HMGCLL1: variants seen among roughly 807,000 people sequenced by gnomAD.
HMGCLL1 encodes the protein 3-hydroxy-3-methylglutaryl-CoA lyase like 1, also known as 3-hydroxymethyl-3-methylglutaryl-CoA lyase, cytoplasmic.
A neutral mutation model predicts 39.1 loss-of-function variants in HMGCLL1; 36 were observed. That is an observed-to-expected ratio of 0.92 (90% CI 0.71 to 1.22). The LOEUF (loss-of-function observed/expected upper bound fraction) is 1.22. Ranked by LOEUF, HMGCLL1 falls within the 50% of genes most tolerant of loss-of-function variation. The probability of loss-of-function intolerance (pLI) is 0.00; values close to 1 mark genes in which losing one functional copy is unlikely to be tolerated. For missense variants in HMGCLL1, 451 were observed against 416.5 expected (o/e 1.08, Z -0.72); for synonymous variants, 149 against 144.0 (o/e 1.03, Z -0.25).
chr6:55,645,304 A>G, the HMGCLL1 span, among the ~76,000 whole-genome samples: 1 of 151,678 alleles, frequency 6.6e-6, no homozygotes, highest in Non-Finnish European at 1.5e-5. Flanking sequence ...TTTGGTAAAG[A>G]CTTTAGGTTT....
At chr6:55,607,396 T>C in the HMGCLL1 span, among the ~76,000 whole-genome samples, 31 of 152,248 alleles carry the variant, frequency 2.0e-4, 1 homozygote, top group African/African-American at 6.7e-4. Flanking sequence ...GCAGGTAATG[T>C]GGTGGATGCT....
chr6:55,614,048 A>G, the HMGCLL1 span, among the ~76,000 whole-genome samples: 36 of 152,208 alleles, frequency 2.4e-4, no homozygotes, highest in Admixed American at 4.6e-4. Context: ...TTTTAATGTC[A>G]TTTTTTCTAA....
intron 1 of HMGCLL1, among the ~76,000 whole-genome samples, chr6:55,568,817 G>A (rs935672055): frequency 1.3e-5 from 2 of 151,680 alleles, no homozygotes; most frequent in Non-Finnish European, 2.9e-5. Flanking sequence ...GGGTGTGCAC[G>A]GTCTAGCCCC....
intron 1 of HMGCLL1, among the ~76,000 whole-genome samples, chr6:55,555,489 G>A (rs1209694875): frequency 6.6e-6 from 1 of 151,996 alleles, no homozygotes; most frequent in South Asian, 2.1e-4. Flanking sequence ...CTTCAACTAA[G>A]AGCCCTTTGA....
At chr6:55,624,221 C>A in the HMGCLL1 span, among the ~76,000 whole-genome samples, 3 of 152,108 alleles carry the variant, frequency 2.0e-5, no homozygotes, top group African/African-American at 7.2e-5. Flanking sequence ...CCACCATATC[C>A]CCATTCAACT....
the HMGCLL1 span, among the ~76,000 whole-genome samples, chr6:55,607,209 CT>C: frequency 6.6e-6 from 1 of 152,016 alleles, no homozygotes; most frequent in African/African-American, 2.4e-5. Context: ...TTAATTTTTC[CT>C]GTTAAAAAAA....
At chr6:55,556,658 C>G (rs543602461) in intron 1 of HMGCLL1, among the ~76,000 whole-genome samples, 1 of 151,932 alleles carries the variant, frequency 6.6e-6, no homozygotes. Context: ...TATGCTCACT[C>G]GGGATTTTAT....
chr6:55,569,558 C>T (rs1771372611), intron 1 of HMGCLL1, among the ~76,000 whole-genome samples: 1 of 152,102 alleles, frequency 6.6e-6, no homozygotes, highest in Non-Finnish European at 1.5e-5. Context: ...ATCATAGGCA[C>T]ATTTTTTTAA....
chr6:55,475,500 A>C (rs1765245244), intron 7 of HMGCLL1, among the ~76,000 whole-genome samples: 1 of 151,598 alleles, frequency 6.6e-6, no homozygotes, highest in South Asian at 2.1e-4. Context: ...TTGCTCTTCA[A>C]CCTCAGTTTT....
chr6:55,446,161 C>G (rs937254834), intron 7 of HMGCLL1, among the ~76,000 whole-genome samples: 3 of 151,386 alleles, frequency 2.0e-5, no homozygotes, highest in Non-Finnish European at 4.4e-5. Flanking sequence ...TGAGAAGTAG[C>G]TTATGACTAT....
chr6:55,439,797 G>A, intron 7 of HMGCLL1: 1 of 365,148 alleles, frequency 2.7e-6, no homozygotes, highest in African/African-American at 2.1e-5. Context: ...AATAATCTTT[G>A]ATCAAAAGTA....
the HMGCLL1 span, among the ~76,000 whole-genome samples, chr6:55,659,251 A>G: frequency 2.0e-5 from 3 of 151,916 alleles, no homozygotes; most frequent in African/African-American, 7.2e-5. Flanking sequence ...AAAACCCCAG[A>G]AAATTATAGC....
At chr6:55,629,959 G>C in the HMGCLL1 span, among the ~76,000 whole-genome samples, 1 of 152,202 alleles carries the variant, frequency 6.6e-6, no homozygotes, top group African/African-American at 2.4e-5. Context: ...TGCTAGGGCA[G>C]TGTGGAAGGA....
the HMGCLL1 span, among the ~76,000 whole-genome samples, chr6:55,591,092 T>C: frequency 6.6e-6 from 1 of 152,004 alleles, no homozygotes; most frequent in Non-Finnish European, 1.5e-5. Context: ...GTACATGGTA[T>C]TTCCTGCTTC....
chr6:55,442,344 G>A (rs1763637076), intron 7 of HMGCLL1, among the ~76,000 whole-genome samples: 1 of 151,990 alleles, frequency 6.6e-6, no homozygotes, highest in Admixed American at 6.6e-5. Flanking sequence ...TATTAGGGAG[G>A]ACTCATAGCT....
intron 7 of HMGCLL1, among the ~76,000 whole-genome samples, chr6:55,440,379 T>A (rs952025327): frequency 6.6e-6 from 1 of 152,142 alleles, no homozygotes; most frequent in Non-Finnish European, 1.5e-5. Context: ...GAATCTACAC[T>A]CTGCTTTGAT....
At chr6:55,533,180 T>A (rs140922683) in intron 3 of HMGCLL1, among the ~76,000 whole-genome samples, 3,510 of 151,844 alleles carry the variant, frequency 0.023, 61 homozygotes, top group South Asian at 0.094. Context: ...AAATCAAATA[T>A]ACTGCCACAT....
intron 1 of HMGCLL1, among the ~76,000 whole-genome samples, chr6:55,557,903 T>C (rs762156654): frequency 2.0e-5 from 3 of 152,154 alleles, no homozygotes; most frequent in Non-Finnish European, 4.4e-5. Flanking sequence ...TCCACAACCT[T>C]CTATCCTCAA....
intron 7 of HMGCLL1, among the ~76,000 whole-genome samples, chr6:55,459,613 A>G (rs1394400415): frequency 6.6e-6 from 1 of 152,114 alleles, no homozygotes; most frequent in East Asian, 1.9e-4. Flanking sequence ...CCAAAACACT[A>G]TTTAATAACG....
Sources: allele counts gnomAD v4.1 joint callset (sites outside exome capture counted in the v4.1 genomes callset), GRCh38; gene constraint gnomAD v4.1.1; transcripts MANE v1.5; gene names NCBI Gene and HGNC (gene_info 2026-07-23, HGNC 2026-07-21).